GET1: variants seen among roughly 807,000 people sequenced by gnomAD.
The protein encoded by GET1 is congenital heart disease 5 protein.
A neutral mutation model predicts 22.6 loss-of-function variants in GET1; 20 were observed. The ratio of observed to expected loss-of-function variants is 0.89; its 90% CI spans 0.62 to 1.29. GET1 has a LOEUF of 1.29. Ranked by LOEUF, GET1 falls within the 50% of genes most tolerant of loss-of-function variation. The pLI is 0.00. For missense variants in GET1, 209 were observed against 219.9 expected, an observed-to-expected ratio of 0.95 and a Z score of 0.31; for synonymous variants, 92 against 83.8, an observed-to-expected ratio of 1.10 and a Z score of -0.53.
At chr21:39,405,820 A>ATC (rs1420927421) in intron 4 of GET1, 8 of 1,250,906 alleles carry the variant, frequency 6.4e-6, no homozygotes, top group Middle Eastern at 5.5e-4. Context: ...TTTCAAAAAT[A>ATC]AGATGCAAGG....
intron 1 of GET1, chr21:39,427,838 T>G (rs543452086): frequency 5.9e-6 from 1 of 168,966 alleles, no homozygotes; most frequent in South Asian, 1.8e-4. Context: ...ATTCTTCAGC[T>G]GAGATGAAAG....
intron 1 of GET1, among the ~76,000 whole-genome samples, chr21:39,419,634 CT>C (rs2041950286): frequency 6.6e-6 from 1 of 151,898 alleles, no homozygotes. Context: ...CGACGTGGGC[CT>C]TTTGGGAGGT....
chr21:39,392,899 C>T (rs2038399901), intron 3 of GET1: 1 of 393,564 alleles, frequency 2.5e-6, no homozygotes, highest in Non-Finnish European at 4.6e-6. Flanking sequence ...AATGCCAGTT[C>T]ACATAGGAAG....
Position 39,390,788 on chromosome 21 carries a change from A to G in GET1, c.193A>G (p.Met65Val), listed in dbSNP as rs1442664106. 3.7e-6 allele frequency: 6 copies of G among 1,614,090 alleles called. No individual in the cohort carries two copies. The highest frequency in any genetic ancestry group is 3.3e-5 in the South Asian group (3 of 91,088). Residue 65 changes from methionine (M) to valine (V), a missense_variant, in exon 2 of 5, where the codon ATG (methionine) becomes GTG (valine). Met to Val is a conservative substitution (Grantham distance 21). Transcript: ENST00000649170. ...GAAGCAGGAGCTCTCCACAGTCAAC[A>G]TGATGGACGAGTTTGCCAGATATGC... Reference protein sequence around the residue: ...DMKQELSTVNMMDEFARYARL... With the variant: ...DMKQELSTVNVMDEFARYARL...
chr21:39,425,319 T>C (rs1486580822), intron 1 of GET1, among the ~76,000 whole-genome samples: 1 of 152,156 alleles, frequency 6.6e-6, no homozygotes, highest in African/African-American at 2.4e-5. Context: ...ATAGAAACAA[T>C]GAACCAAGAG....
intron 4 of GET1, among the ~76,000 whole-genome samples, chr21:39,393,782 T>G (rs1435729054): frequency 6.6e-6 from 1 of 152,100 alleles, no homozygotes; most frequent in East Asian, 1.9e-4. Context: ...CCCAACTAGC[T>G]GAAATTACAG....
chr21:39,408,050 A>G (rs2147106060), downstream of GET1: 4 of 152,310 alleles, frequency 2.6e-5, no homozygotes, highest in South Asian at 8.3e-4. Flanking sequence ...AACACATCTG[A>G]TTTGCAGCCC....
At chr21:39,386,751 A>G (rs1483344592) in intron 1 of GET1, among the ~76,000 whole-genome samples, 1 of 152,228 alleles carries the variant, frequency 6.6e-6, no homozygotes, top group African/African-American at 2.4e-5. Context: ...ATTTAGATTC[A>G]TATTAAATCT....
chr21:39,421,118 T>C (rs887349385), intron 1 of GET1, among the ~76,000 whole-genome samples: 9 of 149,414 alleles, frequency 6.0e-5, no homozygotes, highest in Non-Finnish European at 8.9e-5. Context: ...TTTTTTTTTT[T>C]CTAAGTTGGA....
downstream of GET1, chr21:39,397,925 C>T (rs1401915845): frequency 1.3e-5 from 2 of 152,140 alleles, no homozygotes; most frequent in Non-Finnish European, 2.9e-5. Flanking sequence ...CTTTTGTTTC[C>T]TAATGATCTA....
chr21:39,402,698 G>A (rs921351981), downstream of GET1, among the ~76,000 whole-genome samples: 2 of 152,202 alleles, frequency 1.3e-5, no homozygotes, highest in Non-Finnish European at 2.9e-5. Context: ...TACAGCAAGA[G>A]TGTTGGAGTA....
rs75265747 is a variant in GET1 at position 39,412,298 on chromosome 21, C to T, written c.*23+1361C>T. Among the ~76,000 whole-genome samples, 412 of 152,228 alleles carry T rather than the reference C, an allele frequency of 2.7e-3. 5 individuals are homozygous for T. The highest frequency in any genetic ancestry group is 9.3e-3 in the African/African-American group (386 of 41,526). On this transcript the variant is annotated intron_variant, in intron 1 of 1. Coordinates refer to the GET1 transcript ENST00000478273. The stretch of plus-strand genomic sequence containing the variant: ...TAGAAAGTTCTATGAGACAGGGCTA[C>T]GTCTAGACAAGGGCCGGGGGGGAAG...
At chr21:39,405,841 G>T in intron 4 of GET1, 1 of 1,407,090 alleles carries the variant, frequency 7.1e-7, no homozygotes, top group East Asian at 2.5e-5. Flanking sequence ...CACATAAGCA[G>T]CATTATATCA....
chr21:39,428,098 T>C, intron 1 of GET1: 1 of 836,368 alleles, frequency 1.2e-6, no homozygotes, highest in Non-Finnish European at 1.9e-6. Context: ...TATGAACCAC[T>C]TCAAACACTA....
At chr21:39,428,508 T>C in exon 2 of GET1, 1 of 1,465,104 alleles carries the variant, frequency 6.8e-7, no homozygotes, top group Non-Finnish European at 9.0e-7. Context: ...AACAACCTAA[T>C]AAAAGAAAAG....
exon 5 of GET1, chr21:39,405,932 A>G: frequency 6.2e-7 from 1 of 1,611,902 alleles, no homozygotes; most frequent in East Asian, 2.2e-5. Context: ...GGCTTAATAG[A>G]ATTTACCACA....
chr21:39,422,994 T>C lies in GET1; in HGVS notation c.*24-5238T>C, dbSNP rs140322091. 6 of 1,613,420 alleles carry C rather than the reference T, an allele frequency of 3.7e-6. No individual in the cohort carries two copies. The African/African-American group carries it at 6.7e-5, about 18-fold the overall frequency. On this transcript the variant is annotated intron_variant, in intron 1 of 1. Transcript: ENST00000478273. ...TACAGACCTGTATTTTTTTGTCATT[T>C]GCGTCCATTTTTGTTGTGATAATAG...
chr21:39,419,520 G>A (rs2041898169), intron 1 of GET1, among the ~76,000 whole-genome samples: 1 of 55,864 alleles, frequency 1.8e-5, no homozygotes, highest in African/African-American at 8.0e-5. Context: ...GCAAGACCCT[G>A]TTCAAAAAAA....
At chr21:39,388,917 C>T (rs2038108757) in intron 1 of GET1, among the ~76,000 whole-genome samples, 1 of 152,166 alleles carries the variant, frequency 6.6e-6, no homozygotes. Context: ...CCCCTCTGCT[C>T]ACAGGGACCA....
Sources: gnomAD v4.1 joint callset for allele counts (sites outside exome capture counted in the v4.1 genomes callset) on GRCh38, gnomAD v4.1.1 for gene constraint, MANE v1.5 for transcripts, NCBI Gene and HGNC (gene_info 2026-07-23, HGNC 2026-07-21) for gene names.